The following VSX1 variants were observed in gnomAD, a reference collection of about 807,000 sequenced individuals.
VSX1 encodes visual system homeobox 1.
In VSX1, 23 loss-of-function variants were observed where a neutral mutation model predicts 23.6. The observed-to-expected ratio is 0.97, with a 90% CI of 0.70 to 1.38. The LOEUF is 1.38. VSX1 is among the 40% of genes most tolerant of loss of function. The probability of loss-of-function intolerance (pLI) is 0.00; values close to 1 mark genes in which losing one functional copy is unlikely to be tolerated. For missense variants in VSX1, 517 were observed against 495.4 expected, an observed-to-expected ratio of 1.04 and a Z score of -0.41; for synonymous variants, 247 against 215.1, an observed-to-expected ratio of 1.15 and a Z score of -1.30.
chr20:25,071,789 T>C (rs1352214649), downstream of VSX1: 2 of 703,960 alleles, frequency 2.8e-6, no homozygotes, highest in Non-Finnish European at 2.6e-6. Context: ...GCACATGGGG[T>C]GCCCTGCAGG....
Position 25,077,809 on chromosome 20 carries a change from G to C in VSX1, c.684C>G (p.Gly228=), listed in dbSNP as rs1286573181. 6.4e-7 allele frequency: 1 copy of C among 1,551,440 alleles called. No homozygotes were observed. Among genetic ancestry groups the C allele is most frequent in the East Asian group, 2.4e-5 (1 of 40,978 alleles). The change falls in exon 4 of 5, where the codon GGC becomes GGG. Residue 228 remains glycine, a synonymous_variant. Coordinates refer to ENST00000376709, the MANE Select transcript of VSX1 (RefSeq NM_014588.6). ...KWRKREKRWG[G]SSVMAEYGLY... is the part of the protein sequence containing the mutation. ...GCCCGTACTCGGCCATCACGCTGCT[G>C]CCGCCCCAGCGCTTCTCCCGCTTGC...
At chr20:25,079,683 G>A (rs2089599575) in intron 1 of VSX1, among the ~76,000 whole-genome samples, 169 bp from the exon 2 acceptor site, 1 of 150,576 alleles carries the variant, frequency 6.6e-6, no homozygotes, top group Non-Finnish European at 1.5e-5. Flanking sequence ...GCTTAACACT[G>A]TCCATACATT....
At chr20:25,078,699 A>G in intron 3 of VSX1, 130 bp downstream of exon 3, 1 of 1,610,178 alleles carries the variant, frequency 6.2e-7, no homozygotes, top group Non-Finnish European at 8.5e-7. Context: ...CCTTCAGCTA[A>G]GGGACCCTCA....
At chr20:25,072,054 G>A (rs2089390381), downstream of VSX1, 13 of 616,204 alleles carry the variant, frequency 2.1e-5, no homozygotes, top group East Asian at 3.6e-4. Context: ...AACAACTCTT[G>A]CATATATGTA....
At chr20:25,074,833 G>A (rs1303577655), downstream of VSX1, among the ~76,000 whole-genome samples, 1 of 152,168 alleles carries the variant, frequency 6.6e-6, no homozygotes, top group Non-Finnish European at 1.5e-5. Context: ...AACCCTCTGG[G>A]AGGCAGAACC....
chr20:25,080,107 T>C (rs537320601), intron 1 of VSX1, among the ~76,000 whole-genome samples: 1 of 152,332 alleles, frequency 6.6e-6, no homozygotes, highest in East Asian at 1.9e-4. Context: ...TGATGTGTAG[T>C]TGCCCTTGAA....
At chr20:25,081,507 G>T (rs958139335) in intron 1 of VSX1, 166 bp downstream of exon 1, 2 of 1,042,582 alleles carry the variant, frequency 1.9e-6, no homozygotes, top group Non-Finnish European at 3.0e-6. Flanking sequence ...AGGGGCAGGC[G>T]GCGCAGCTCC....
intron 3 of VSX1, chr20:25,078,142 T>C (rs1446507165): frequency 1.9e-6 from 1 of 539,026 alleles, no homozygotes; most frequent in South Asian, 2.2e-5. Flanking sequence ...GAGTCAGGAA[T>C]GAAAAAAACT....
rs1015779897 is a variant in VSX1 at position 25,081,994 on chromosome 20, C to G, written c.103G>C (p.Asp35His). ...AGCTCGGCCTCCAAGCCCAGCAGGT[C>G]CGTGATGGCGAAGCCCCGGGGGCGC... is the stretch of plus-strand genomic sequence containing the variant. ...GSRPRGFAIT[D>H]LLGLEAELPA... is the part of the protein sequence containing the mutation. Residue 35 changes from aspartate to histidine, a missense_variant, in exon 1 of 5, where the codon GAC (aspartate) becomes CAC (histidine). By Grantham distance (81) the Asp-to-His change is moderately conservative. Coordinates refer to ENST00000376709, the MANE Select transcript of VSX1 (RefSeq NM_014588.6). 3.3e-6 allele frequency: 5 copies of G among 1,534,214 alleles called. No individual in the cohort carries two copies. The highest frequency in any genetic ancestry group is 2.0e-5 in the Admixed American group (1 of 50,986).
chr20:25,073,437 G>C (rs1214891981), downstream of VSX1, among the ~76,000 whole-genome samples: 1 of 152,034 alleles, frequency 6.6e-6, no homozygotes, highest in Non-Finnish European at 1.5e-5. Context: ...CTTCTGCATA[G>C]GGATGACCTA....
chr20:25,072,585 C>T (rs1438213006), downstream of VSX1: 10 of 471,050 alleles, frequency 2.1e-5, no homozygotes, highest in Non-Finnish European at 4.4e-5. Flanking sequence ...GTTTCTCATC[C>T]ATTTGACAAT....
In VSX1 at chr20:25,079,522, C is replaced by T. The variant is rs1257167727; in HGVS notation, c.425-8G>A. On this transcript the variant is annotated splice_polypyrimidine_tract_variant and splice_region_variant and intron_variant, in intron 1 of 4. Transcript: ENST00000376709. ...CAGACTGGCTGTCCTCATCTGATGG[C>T]ACAGAAAGAAGAAGAGGACTTTAAG... 1 of 1,608,408 alleles carries T rather than the reference C, an allele frequency of 6.2e-7. No homozygotes were observed. Among genetic ancestry groups the T allele is most frequent in the Non-Finnish European group, 8.5e-7 (1 of 1,176,962 alleles).
chr20:25,079,516 T>C lies in VSX1; in HGVS notation c.425-2A>G. On this transcript the variant is annotated splice_acceptor_variant, in intron 1 of 4. Transcript: ENST00000376709. LOFTEE classifies it high-confidence loss of function. ...TGTCTTCAGACTGGCTGTCCTCATC[T>C]GATGGCACAGAAAGAAGAAGAGGAC... is the stretch of plus-strand genomic sequence containing the variant. 2 of 1,610,332 alleles carry C rather than the reference T, an allele frequency of 1.2e-6. No individual in the cohort carries two copies. Among genetic ancestry groups the C allele is most frequent in the Non-Finnish European group, 1.7e-6 (2 of 1,178,028 alleles).
downstream of VSX1, among the ~76,000 whole-genome samples, chr20:25,073,228 TTAA>T (rs11470263): frequency 0.22 from 33,231 of 151,748 alleles, 3,904 homozygotes; most frequent in Admixed American, 0.31. Flanking sequence ...TGTTAATATT[TTAA>T]TAATATTAAT....
chr20:25,078,729 G>A (rs199755218), intron 3 of VSX1, 100 bp downstream of exon 3: 85 of 1,613,982 alleles, frequency 5.3e-5, no homozygotes, highest in Admixed American at 1.8e-4. Context: ...CAAAGGGAGC[G>A]TGTTGGCTAT....
chr20:25,071,581 A>G (rs751883334), downstream of VSX1: 74 of 480,022 alleles, frequency 1.5e-4, no homozygotes, highest in Middle Eastern at 1.3e-3. Context: ...GATAATCTTG[A>G]GTAGAAGCAG....
chr20:25,071,905 A>G (rs1172375899), downstream of VSX1: 1 of 704,660 alleles, frequency 1.4e-6, no homozygotes, highest in Non-Finnish European at 2.6e-6. Flanking sequence ...GGCAGACTTT[A>G]GCAGCATTAC....
rs1175142415 is a variant in VSX1 at position 25,081,776 on chromosome 20, C to G, written c.321G>C (p.Pro107=). 2 of 1,500,966 alleles carry G rather than the reference C, an allele frequency of 1.3e-6. No homozygotes were observed. The highest frequency in any genetic ancestry group is 1.8e-6 in the Non-Finnish European group (2 of 1,133,486). The allele number at this position is 1,500,966 out of a possible 1,614,324, so 93.0% of individuals were successfully genotyped here. ...RAPCLLLADV[P]FLPPRGPEPA... is the part of the protein sequence containing the mutation. ...GCTCGGGGCCCCTGGGCGGCAGGAA[C>G]GGCACGTCCGCTAGGAGCAGGCAGG... The change falls in exon 1 of 5, where the codon CCG becomes CCC. Residue 107 remains proline (P), a synonymous_variant. Coordinates refer to ENST00000376709, the MANE Select transcript of VSX1 (RefSeq NM_014588.6).
At position 25,081,976 on chromosome 20, in the gene VSX1, C is replaced by A; in HGVS notation, c.121G>T (p.Ala41Ser). The change falls in exon 1 of 5, where the codon GCC becomes TCC. Residue 41 changes from alanine (A) to serine (S), a missense_variant. By Grantham distance (99) the Ala-to-Ser change is moderately conservative (BLOSUM62 1). Coordinates refer to ENST00000376709, the MANE Select transcript of VSX1 (RefSeq NM_014588.6). Reference sequence around the variant, plus strand: ...GGGCCAGCGGGCGCCGGCAGCTCGGCCTCCAAGCCCAGCAGGTCCGTGATG... The same window carrying A: ...GGGCCAGCGGGCGCCGGCAGCTCGGACTCCAAGCCCAGCAGGTCCGTGATG... ...FAITDLLGLEAELPAPAGPGQ... is the reference protein window; with the variant it reads ...FAITDLLGLESELPAPAGPGQ... 6.5e-7 allele frequency: 1 copy of A among 1,533,370 alleles called. No homozygotes were observed. Among genetic ancestry groups the A allele is most frequent in the Middle Eastern group, 2.1e-4 (1 of 4,708 alleles). The allele number at this position is 1,533,370 out of a possible 1,614,324, so 95.0% of individuals were successfully genotyped here.
Sources: allele counts gnomAD v4.1 joint callset (sites outside exome capture counted in the v4.1 genomes callset), GRCh38; gene constraint gnomAD v4.1.1; transcripts MANE v1.5; gene names NCBI Gene and HGNC (gene_info 2026-07-23, HGNC 2026-07-21).